Variants in ADGRB3 observed in about 807,000 individuals in gnomAD.
ADGRB3 encodes the protein adhesion G protein-coupled receptor B3.
Under a neutral mutation model 193.4 loss-of-function variants are expected in ADGRB3, and 37 were observed. The ratio of observed to expected loss-of-function variants is 0.19; its 90% CI spans 0.15 to 0.25. The LOEUF (loss-of-function observed/expected upper bound fraction) is 0.25. Ranked by LOEUF, ADGRB3 falls within the 10% of genes least tolerant of loss-of-function variation. The probability of loss-of-function intolerance (pLI) is 1.00; values close to 1 mark genes in which losing one functional copy is unlikely to be tolerated. For synonymous variants in ADGRB3, 690 were observed against 644.2 expected (o/e 1.07, Z -1.08); for missense variants, 1,637 against 1,852.9 (o/e 0.88, Z 2.14).
intron 3 of ADGRB3, among the ~76,000 whole-genome samples, chr6:68,730,346 T>C (rs1765749129): frequency 6.6e-6 from 1 of 151,274 alleles, no homozygotes. Context: ...ATGTATAATA[T>C]TTATTAATAT....
At chr6:69,006,827 T>TA (rs1338661530) in intron 11 of ADGRB3, among the ~76,000 whole-genome samples, 2 of 152,124 alleles carry the variant, frequency 1.3e-5, no homozygotes, top group African/African-American at 4.8e-5. Flanking sequence ...CTTTCTTTCT[T>TA]ACTTCGTCAT....
In ADGRB3 at chr6:69,388,692, CTT is replaced by C. The variant is rs1484571013; in HGVS notation, c.4381-10_4381-9del. On this transcript the variant is annotated splice_polypyrimidine_tract_variant and intron_variant, in intron 31 of 31. Coordinates refer to ENST00000370598, the MANE Select transcript of ADGRB3 (RefSeq NM_001704.3). Reference sequence around the variant, plus strand: ...CACATAAATGACTCTCTTTCCCTCTCTTCTCAACAGGAAAACCCCGCACCAAA... The same window carrying C: ...CACATAAATGACTCTCTTTCCCTCTCCTCAACAGGAAAACCCCGCACCAAA... 1.2e-6 allele frequency: 2 copies of C among 1,609,836 alleles called. No homozygotes were observed. Among genetic ancestry groups the C allele is most frequent in the South Asian group, 2.2e-5 (2 of 90,400 alleles).
intron 3 of ADGRB3, among the ~76,000 whole-genome samples, chr6:68,739,757 A>C (rs1317302659): frequency 1.3e-5 from 2 of 152,238 alleles, no homozygotes; most frequent in East Asian, 3.8e-4. Flanking sequence ...TGAAATCTAC[A>C]GAATGTTTAC....
chr6:69,217,168 CAA>C (rs957713902), intron 17 of ADGRB3, among the ~76,000 whole-genome samples: 1 of 152,022 alleles, frequency 6.6e-6, no homozygotes, highest in African/African-American at 2.4e-5. Flanking sequence ...ATGTCTCACC[CAA>C]AAGAGTCGTA....
chr6:68,940,593 A>G (rs1408389890), intron 5 of ADGRB3, among the ~76,000 whole-genome samples: 1 of 52,934 alleles, frequency 1.9e-5, no homozygotes, highest in Non-Finnish European at 4.0e-5. Flanking sequence ...TCTTATATTC[A>G]TTTATTTCTT....
At chr6:68,724,341 A>G (rs1256155245) in intron 3 of ADGRB3, among the ~76,000 whole-genome samples, 1 of 151,706 alleles carries the variant, frequency 6.6e-6, no homozygotes, top group Non-Finnish European at 1.5e-5. Flanking sequence ...AAGAGATTCT[A>G]TGGACTGTTA....
chr6:68,681,408 C>T (rs2127298301), intron 3 of ADGRB3, among the ~76,000 whole-genome samples: 1 of 152,190 alleles, frequency 6.6e-6, no homozygotes, highest in East Asian at 1.9e-4. Flanking sequence ...GCCCCCCATG[C>T]AGCTAGGACT....
chr6:69,308,684 A>G (rs1768117119), intron 20 of ADGRB3, among the ~76,000 whole-genome samples: 1 of 151,694 alleles, frequency 6.6e-6, no homozygotes, highest in Admixed American at 6.6e-5. Flanking sequence ...GGTTTATTTC[A>G]TTCTCACATA....
Position 69,018,551 on chromosome 6 carries a change from A to G in ADGRB3, c.2107+52A>G, listed in dbSNP as rs770316499. On this transcript the variant is annotated intron_variant, in intron 13 of 31. Coordinates refer to ENST00000370598, the MANE Select transcript of ADGRB3 (RefSeq NM_001704.3). The stretch of plus-strand genomic sequence containing the variant: ...TCTTTCTGAAATAAAAAAAAATTGC[A>G]AGTATCTACACCATACGTTTCCAAG... 2.9e-5 allele frequency: 34 copies of G among 1,190,654 alleles called. No individual in the cohort carries two copies. The South Asian group carries it at 4.3e-4, about 15-fold the overall frequency. The allele number at this position is 1,190,654 out of a possible 1,614,324, so 73.8% of individuals were successfully genotyped here. A position where few individuals can be genotyped will look rare whatever the true frequency, so the allele number is the denominator to read the frequency against.
At chr6:68,849,211 G>A (rs570579107) in intron 3 of ADGRB3, among the ~76,000 whole-genome samples, 1 of 151,952 alleles carries the variant, frequency 6.6e-6, no homozygotes, top group Non-Finnish European at 1.5e-5. Context: ...CCCAGTGAAA[G>A]TACTTCCTAA....
intron 3 of ADGRB3, among the ~76,000 whole-genome samples, chr6:68,732,841 T>C (rs1455083860): frequency 6.6e-6 from 1 of 151,944 alleles, no homozygotes; most frequent in African/African-American, 2.4e-5. Flanking sequence ...GAACAATTAT[T>C]CATAGTTCTC....
intron 3 of ADGRB3, among the ~76,000 whole-genome samples, chr6:68,683,341 A>G (rs1764928779): frequency 6.6e-6 from 1 of 152,176 alleles, no homozygotes; most frequent in Non-Finnish European, 1.5e-5. Flanking sequence ...ATCTGGCAAT[A>G]ATTAAATTAT....
intron 10 of ADGRB3, among the ~76,000 whole-genome samples, chr6:68,990,323 A>G (rs1201200880): frequency 6.6e-6 from 1 of 152,148 alleles, no homozygotes; most frequent in African/African-American, 2.4e-5. Flanking sequence ...TGTTATTCAA[A>G]CATTCTTTAT....
intron 17 of ADGRB3, among the ~76,000 whole-genome samples, chr6:69,080,715 A>G (rs967860228): frequency 3.3e-5 from 5 of 151,992 alleles, no homozygotes; most frequent in African/African-American, 9.7e-5. Context: ...TTCCAGTAGA[A>G]AACTATTTCT....
intron 6 of ADGRB3, 58 bp from the exon 7 acceptor site, chr6:68,955,966 T>TGTACA (rs1413558083): frequency 1.3e-6 from 2 of 1,565,640 alleles, no homozygotes; most frequent in African/African-American, 2.7e-5. Context: ...AGGTACTTTC[T>TGTACA]GTACAGCTTG....
chr6:69,306,998 C>G (rs923112838), intron 20 of ADGRB3, among the ~76,000 whole-genome samples: 2 of 151,326 alleles, frequency 1.3e-5, no homozygotes, highest in African/African-American at 4.9e-5. Flanking sequence ...GTTTACATGC[C>G]TGCTACACCC....
At chr6:68,638,334 T>C (rs1169224203) in intron 2 of ADGRB3, among the ~76,000 whole-genome samples, 2 of 152,224 alleles carry the variant, frequency 1.3e-5, no homozygotes, top group East Asian at 3.8e-4. Flanking sequence ...TAAAACTCCA[T>C]GTTTTCCCTT....
chr6:68,813,755 G>A (rs983656063), intron 3 of ADGRB3, among the ~76,000 whole-genome samples: 15 of 152,074 alleles, frequency 9.9e-5, no homozygotes, highest in South Asian at 4.2e-4. Flanking sequence ...CCCTTCCTGT[G>A]TCCATGTGTT....
intron 8 of ADGRB3, among the ~76,000 whole-genome samples, chr6:68,958,908 T>C (rs2150257890): frequency 6.8e-6 from 1 of 147,494 alleles, no homozygotes; most frequent in Non-Finnish European, 1.5e-5. Flanking sequence ...TGTGTGTGTG[T>C]GTGTACATAT....
Sources: gnomAD v4.1 joint callset for allele counts (sites outside exome capture counted in the v4.1 genomes callset) on GRCh38, gnomAD v4.1.1 for gene constraint, MANE v1.5 for transcripts, NCBI Gene and HGNC (gene_info 2026-07-23, HGNC 2026-07-21) for gene names.